CNTN5: variants seen among roughly 807,000 people sequenced by gnomAD.
CNTN5 encodes contactin-5.
Under a neutral mutation model 129.1 loss-of-function variants are expected in CNTN5, and 77 were observed. The ratio of observed to expected loss-of-function variants is 0.60; its 90% CI spans 0.50 to 0.72. The LOEUF is 0.72. CNTN5 is among the 30% of genes least tolerant of loss of function. The pLI is 0.00. For missense variants in CNTN5, 1,478 were observed against 1,328.8 expected (o/e 1.11, Z -1.75); for synonymous variants, 509 against 465.6 (o/e 1.09, Z -1.20).
intron 7 of CNTN5, among the ~76,000 whole-genome samples, chr11:99,941,718 A>G (rs72992873): frequency 0.018 from 2,725 of 152,238 alleles, 33 homozygotes; most frequent in Middle Eastern, 0.041. Context: ...GTAATGAGCC[A>G]TGCAGGTAAC....
chr11:99,792,386 T>C (rs977425531), intron 3 of CNTN5, among the ~76,000 whole-genome samples: 6 of 152,300 alleles, frequency 3.9e-5, no homozygotes, highest in African/African-American at 1.4e-4. Context: ...TTTTTTGAGA[T>C]GAATAATTTA....
Position 100,297,619 on chromosome 11 carries a change from C to G in CNTN5, c.2315-6C>G. ...CTCCTCACTCTCCACCCATTTTTAT[C>G]CACAGTTCCGAAGACAGCACCCACC... On this transcript the variant is annotated splice_region_variant and splice_polypyrimidine_tract_variant and intron_variant, in intron 18 of 24. Transcript: ENST00000524871. 6.2e-7 allele frequency: 1 copy of G among 1,603,650 alleles called. No homozygotes were observed.
chr11:100,205,741 T>C (rs1299779945), intron 15 of CNTN5, among the ~76,000 whole-genome samples: 1 of 152,042 alleles, frequency 6.6e-6, no homozygotes, highest in Non-Finnish European at 1.5e-5. Flanking sequence ...ATATTAGATA[T>C]TATAACTAAT....
At chr11:100,347,035 A>G (rs2139029079) in intron 23 of CNTN5, among the ~76,000 whole-genome samples, 1 of 152,244 alleles carries the variant, frequency 6.6e-6, no homozygotes, top group Admixed American at 6.5e-5. Flanking sequence ...CCCATGATTC[A>G]GTTACCTCCC....
chr11:100,266,752 G>A (rs1950311214), intron 17 of CNTN5, among the ~76,000 whole-genome samples: 1 of 151,102 alleles, frequency 6.6e-6, no homozygotes, highest in South Asian at 2.1e-4. Flanking sequence ...CATAACTTTG[G>A]AAGGAAGATT....
intron 3 of CNTN5, among the ~76,000 whole-genome samples, chr11:99,613,339 T>C (rs10893599): frequency 0.19 from 28,724 of 152,168 alleles, 2,921 homozygotes; most frequent in Non-Finnish European, 0.2. Flanking sequence ...GGGCCTGTCT[T>C]CTTCCTGCAG....
At chr11:99,344,985 T>C (rs1937726558) in intron 2 of CNTN5, among the ~76,000 whole-genome samples, 1 of 152,156 alleles carries the variant, frequency 6.6e-6, no homozygotes, top group South Asian at 2.1e-4. Context: ...TTTCTGCATC[T>C]GAAGGGCCTG....
intron 3 of CNTN5, among the ~76,000 whole-genome samples, chr11:99,582,440 C>T (rs1949639828): frequency 6.6e-6 from 1 of 152,228 alleles, no homozygotes; most frequent in South Asian, 2.1e-4. Context: ...TGGCTCCATT[C>T]TCCCCGTCAC....
At chr11:99,789,462 A>G (rs965402776) in intron 3 of CNTN5, among the ~76,000 whole-genome samples, 16 of 152,040 alleles carry the variant, frequency 1.1e-4, no homozygotes, top group African/African-American at 3.1e-4. Context: ...GAAATTATAA[A>G]TGGAATAAAC....
chr11:99,113,414 G>A (rs1365500832), intron 1 of CNTN5, among the ~76,000 whole-genome samples: 1 of 152,008 alleles, frequency 6.6e-6, no homozygotes, highest in Non-Finnish European at 1.5e-5. Flanking sequence ...GAACGCAGTA[G>A]TGAGGAAAGG....
intron 3 of CNTN5, among the ~76,000 whole-genome samples, chr11:99,608,596 G>A (rs1302871281): frequency 6.6e-6 from 1 of 151,786 alleles, no homozygotes; most frequent in Non-Finnish European, 1.5e-5. Flanking sequence ...GATATGAAGA[G>A]ACACAGGGAG....
intron 13 of CNTN5, among the ~76,000 whole-genome samples, chr11:100,154,364 C>T (rs1028144037): frequency 3.4e-4 from 52 of 151,842 alleles, no homozygotes; most frequent in Admixed American, 3.4e-3. Flanking sequence ...TTGATGGGCA[C>T]TTGGGTTGGT....
In CNTN5 at chr11:99,315,818, AT is replaced by A. The variant is rs918898545; in HGVS notation, c.-209-9520del. ...ATTGAATATATATTGCAAGCCAGTG[AT>A]TTTTTTTCATAGAGTATTTCTTTTA... On this transcript the variant is annotated intron_variant, in intron 1 of 24. Coordinates refer to ENST00000524871, the MANE Select transcript of CNTN5 (RefSeq NM_014361.4). Among the ~76,000 whole-genome samples, 4 of 148,784 alleles carry A rather than the reference AT, an allele frequency of 2.7e-5. 1 individual carries two copies. Among genetic ancestry groups the A allele is most frequent in the African/African-American group, 2.4e-5 (1 of 40,882 alleles).
chr11:99,980,182 A>C (rs959653420), intron 8 of CNTN5, among the ~76,000 whole-genome samples: 1 of 152,200 alleles, frequency 6.6e-6, no homozygotes, highest in African/African-American at 2.4e-5. Context: ...GGAGAAGTGG[A>C]TTCCAGCCAA....
chr11:99,629,742 T>C (rs1472401467), intron 3 of CNTN5, among the ~76,000 whole-genome samples: 1 of 151,918 alleles, frequency 6.6e-6, no homozygotes, highest in Non-Finnish European at 1.5e-5. Context: ...CTAGGTTCCG[T>C]AAAAATATAA....
chr11:99,709,068 A>G (rs887219828), intron 3 of CNTN5, among the ~76,000 whole-genome samples: 1 of 151,798 alleles, frequency 6.6e-6, no homozygotes, highest in African/African-American at 2.4e-5. Context: ...GTTGTCTAAA[A>G]TTTTCTAAAT....
intron 1 of CNTN5, among the ~76,000 whole-genome samples, chr11:99,319,306 T>A (rs572381184): frequency 1.3e-5 from 2 of 152,316 alleles, no homozygotes; most frequent in South Asian, 4.1e-4. Context: ...GCCAACCACA[T>A]GACTCAACTG....
chr11:99,992,776 A>G (rs1939196015), intron 8 of CNTN5, among the ~76,000 whole-genome samples: 1 of 152,170 alleles, frequency 6.6e-6, no homozygotes, highest in Non-Finnish European at 1.5e-5. Context: ...AAGAAAATCA[A>G]CAACCATAAA....
intron 9 of CNTN5, among the ~76,000 whole-genome samples, chr11:100,057,457 T>G (rs922737706): frequency 1.3e-5 from 2 of 151,724 alleles, no homozygotes; most frequent in Non-Finnish European, 1.5e-5. Flanking sequence ...TACTAAGTAA[T>G]TTATAATAAT....
Sources: allele counts gnomAD v4.1 joint callset (sites outside exome capture counted in the v4.1 genomes callset), GRCh38; gene constraint gnomAD v4.1.1; transcripts MANE v1.5; gene names NCBI Gene and HGNC (gene_info 2026-07-23, HGNC 2026-07-21).